The following EDARADD variants were observed in gnomAD, a reference collection of about 807,000 sequenced individuals.
The protein encoded by EDARADD is ectodysplasin-A receptor-associated adapter protein.
Under a neutral mutation model 25.6 loss-of-function variants are expected in EDARADD, and 20 were observed. The observed-to-expected ratio is 0.78, with a 90% confidence interval of 0.55 to 1.14. The LOEUF is 1.14. EDARADD is among the 50% of genes most tolerant of loss of function. The pLI, the probability that EDARADD is intolerant of heterozygous loss-of-function variation, is 0.00. For synonymous variants in EDARADD, 86 were observed against 94.4 expected (o/e 0.91, Z 0.52); for missense variants, 225 against 270.1 (o/e 0.83, Z 1.17).
intron 1 of EDARADD, among the ~76,000 whole-genome samples, chr1:236,404,224 A>G (rs1667668218): frequency 6.6e-6 from 1 of 152,216 alleles, no homozygotes; most frequent in Admixed American, 6.5e-5. Context: ...TAAAGCTTCT[A>G]GATAAACGAT....
chr1:236,392,760 C>A (rs1188221007), upstream of EDARADD, among the ~76,000 whole-genome samples: 1 of 152,146 alleles, frequency 6.6e-6, no homozygotes, highest in Non-Finnish European at 1.5e-5. Flanking sequence ...TCCTCCACCT[C>A]CTGGATTCAA....
At chr1:236,416,905 A>G (rs1657652559) in intron 3 of EDARADD, among the ~76,000 whole-genome samples, 1 of 152,150 alleles carries the variant, frequency 6.6e-6, no homozygotes, top group Non-Finnish European at 1.5e-5. Flanking sequence ...TGACTCCAGG[A>G]GTTCAAGACC....
In EDARADD at chr1:236,395,204, C is replaced by T. The variant is rs934273215; in HGVS notation, c.61+699C>T. ...TTTCTTAAGGCCAGTCCTTCGCTCG[C>T]AGTCTGTCCCGGGCGGCAGTCGTGT... On this transcript the variant is annotated intron_variant, in intron 1 of 5. Transcript: ENST00000334232. This position sits in a 1 kb window ranked among gnomAD's most constrained non-coding sequence, Gnocchi z 6.9. 3.9e-5 allele frequency among the ~76,000 whole-genome samples: 6 copies of T among 152,220 alleles called. No homozygotes were observed. Among genetic ancestry groups the T allele is most frequent in the Non-Finnish European group, 8.8e-5 (6 of 68,044 alleles).
Position 236,484,767 on chromosome 1 carries a change from C to T in EDARADD, c.*2118C>T. 1 of 245,026 alleles carries T rather than the reference C, an allele frequency of 4.1e-6. No individual in the cohort carries two copies. The highest frequency in any genetic ancestry group is 5.1e-5 in the Admixed American group (1 of 19,628). 15.2% of individuals were successfully genotyped at this position (245,026 alleles called of 1,614,324 possible). A position where few individuals can be genotyped will look rare whatever the true frequency, so the allele number is the denominator to read the frequency against. ...GCCAAGCTCCCTGGAGCCCTGTTGG[C>T]AGCTCTAGCCTTGCAGTCATGTAAT... On this transcript the variant is annotated 3_prime_UTR_variant, in exon 6 of 6. Transcript: ENST00000334232. The surrounding 1 kb of genome is among the most constrained non-coding windows in gnomAD (Gnocchi z 4.1).
chr1:236,430,575 C>T (rs932263264), intron 4 of EDARADD, among the ~76,000 whole-genome samples: 7 of 151,938 alleles, frequency 4.6e-5, no homozygotes, highest in African/African-American at 1.7e-4. Flanking sequence ...GGGGAAATAC[C>T]TCTTTGAGAT....
At chr1:236,470,596 T>G (rs533488764) in intron 5 of EDARADD, among the ~76,000 whole-genome samples, 1 of 152,122 alleles carries the variant, frequency 6.6e-6, no homozygotes, top group African/African-American at 2.4e-5. Flanking sequence ...AGAGTGTGGG[T>G]TTTTTTGTTA....
At chr1:236,418,594 TTAAA>T (rs1657702791) in intron 3 of EDARADD, among the ~76,000 whole-genome samples, 1 of 152,220 alleles carries the variant, frequency 6.6e-6, no homozygotes, top group Non-Finnish European at 1.5e-5. Flanking sequence ...GAACTTGAAC[TTAAA>T]TATAGATGCT....
In EDARADD at chr1:236,395,792, C is replaced by T; in HGVS notation, c.61+1287C>T. 4.7e-6 allele frequency: 4 copies of T among 860,078 alleles called. No homozygotes were observed. The highest frequency in any genetic ancestry group is 6.6e-6 in the Non-Finnish European group (4 of 605,836). 53.3% of individuals were successfully genotyped at this position (860,078 alleles called of 1,614,324 possible). On this transcript the variant is annotated intron_variant, in intron 1 of 5. Transcript: ENST00000334232. The surrounding 1 kb of genome is among the most constrained non-coding windows in gnomAD (Gnocchi z 6.9). The stretch of plus-strand genomic sequence containing the variant: ...CCCCCGAGGGAGGCCCGGGAACCAC[C>T]CCCGACCCAGGCGCCAGACCCGGAG...
rs397860471 is a variant in EDARADD at position 236,459,611 on chromosome 1, C to CTTT, written c.220-8602_220-8600dup. On this transcript the variant is annotated intron_variant, in intron 4 of 5. Coordinates refer to ENST00000334232, the MANE Select transcript of EDARADD (RefSeq NM_145861.4). ...ATATTTTCACTCTTCTTATTTAGCT[C>CTTT]TTTTTTTTTTTTTTTTTTTTGAGAT... 3.9e-4 allele frequency among the ~76,000 whole-genome samples: 39 copies of CTTT among 100,478 alleles called. 1 individual carries two copies. The highest frequency in any genetic ancestry group is 1.5e-3 in the East Asian group (5 of 3,302). 65.9% of individuals were successfully genotyped at this position (100,478 alleles called of 152,430 possible). A position where few individuals can be genotyped will look rare whatever the true frequency, so the allele number is the denominator to read the frequency against.
intron 5 of EDARADD, among the ~76,000 whole-genome samples, chr1:236,472,076 T>G (rs16833722): frequency 0.096 from 14,635 of 152,122 alleles, 1,041 homozygotes; most frequent in African/African-American, 0.19. Context: ...CCTGAACTCT[T>G]CTTTACAGTA....
At chr1:236,430,773 C>A (rs567818005) in intron 4 of EDARADD, among the ~76,000 whole-genome samples, 1 of 152,100 alleles carries the variant, frequency 6.6e-6, no homozygotes, top group Non-Finnish European at 1.5e-5. Flanking sequence ...CAGGGAGAAA[C>A]GTTTAAAAGA....
chr1:236,394,402 A>T lies in EDARADD; in HGVS notation c.-43A>T. On this transcript the variant is annotated 5_prime_UTR_variant, in exon 1 of 6. The change abolishes an upstream ATG in the 5' untranslated region. Coordinates refer to ENST00000334232, the MANE Select transcript of EDARADD (RefSeq NM_145861.4). ...CTTCTCGCAATCTGTTGCTTCTTCCATGGCAAACTCCAGAGAATTAAGAAG... is the reference window on the plus strand; with the variant it reads ...CTTCTCGCAATCTGTTGCTTCTTCCTTGGCAAACTCCAGAGAATTAAGAAG... 6.2e-7 allele frequency: 1 copy of T among 1,609,462 alleles called. No individual in the cohort carries two copies. The highest frequency in any genetic ancestry group is 8.5e-7 in the Non-Finnish European group (1 of 1,175,780).
intron 4 of EDARADD, among the ~76,000 whole-genome samples, chr1:236,434,955 G>T (rs988594958): frequency 5.9e-5 from 9 of 152,310 alleles, no homozygotes; most frequent in African/African-American, 1.7e-4. Context: ...ATGTGTGTGT[G>T]TTGTTAGGAT....
rs564154544 is a variant in EDARADD at position 236,483,310 on chromosome 1, T to C, written c.*661T>C. 6 of 1,598,858 alleles carry C rather than the reference T, an allele frequency of 3.8e-6. No homozygotes were observed. In the South Asian group the frequency reaches 4.4e-5, roughly 12 times the overall value. Reference sequence around the variant, plus strand: ...ACTGGTATCTATGAGGTCCTAGAGCTCCAGGACAATGATAAGACTCGCTAT... The same window carrying C: ...ACTGGTATCTATGAGGTCCTAGAGCCCCAGGACAATGATAAGACTCGCTAT... On this transcript the variant is annotated 3_prime_UTR_variant, in exon 6 of 6. Coordinates refer to ENST00000334232, the MANE Select transcript of EDARADD (RefSeq NM_145861.4).
chr1:236,392,813 G>A (rs1474934204), upstream of EDARADD, among the ~76,000 whole-genome samples: 3 of 152,136 alleles, frequency 2.0e-5, no homozygotes, highest in East Asian at 3.8e-4. Context: ...GGGATTACAG[G>A]TGCCTGTCAC....
intron 2 of EDARADD, among the ~76,000 whole-genome samples, 154 bp downstream of exon 2, chr1:236,409,428 G>A (rs908336365): frequency 2.6e-5 from 4 of 152,058 alleles, no homozygotes; most frequent in African/African-American, 7.2e-5. Flanking sequence ...GGTATTCTAC[G>A]TGATAATAAT....
At chr1:236,447,181 TTTC>T (rs1658571589) in intron 4 of EDARADD, among the ~76,000 whole-genome samples, 1 of 63,110 alleles carries the variant, frequency 1.6e-5, no homozygotes, top group Non-Finnish European at 2.9e-5. Flanking sequence ...TCTTTCTTTC[TTTC>T]TTTCTTTCTT....
At chr1:236,419,207 T>C (rs1657717160) in intron 3 of EDARADD, among the ~76,000 whole-genome samples, 1 of 151,858 alleles carries the variant, frequency 6.6e-6, no homozygotes. Context: ...AGCAACATAG[T>C]GAGACTCCTA....
intron 4 of EDARADD, among the ~76,000 whole-genome samples, chr1:236,428,919 C>G (rs558424864): frequency 6.6e-6 from 1 of 152,044 alleles, no homozygotes; most frequent in African/African-American, 2.4e-5. Flanking sequence ...AGATCACTCG[C>G]GGTCAGGAGC....
Sources: gnomAD v4.1 joint callset for allele counts (sites outside exome capture counted in the v4.1 genomes callset) on GRCh38, gnomAD v4.1.1 for gene constraint, Gnocchi (gnomAD v3.1) non-coding constraint, MANE v1.5 for transcripts, NCBI Gene and HGNC (gene_info 2026-07-23, HGNC 2026-07-21) for gene names.